ATG3: variants seen among roughly 807,000 people sequenced by gnomAD.
ATG3 encodes the protein autophagy related 3.
In ATG3, 25 loss-of-function variants were observed where a neutral mutation model predicts 50.7. The observed-to-expected ratio is 0.49, with a 90% CI of 0.36 to 0.69. ATG3 has a LOEUF of 0.69. Among genes scored for constraint, ATG3 ranks in the 30% least tolerant of loss-of-function variants. ATG3 has a pLI of 0.00. For synonymous variants in ATG3, 119 were observed against 125.5 expected, an observed-to-expected ratio of 0.95 and a Z score of 0.34; for missense variants, 281 against 376.0, an observed-to-expected ratio of 0.75 and a Z score of 2.09.
At chr3:112,533,656 A>G in intron 11 of ATG3, 1 of 985,258 alleles carries the variant, frequency 1.0e-6, no homozygotes, top group Non-Finnish European at 1.2e-6. Flanking sequence ...ATTGATTTTG[A>G]CTGTTTTTGA....
At chr3:112,540,279 A>G (rs578066585) in intron 7 of ATG3, among the ~76,000 whole-genome samples, 2 of 152,344 alleles carry the variant, frequency 1.3e-5, no homozygotes, top group South Asian at 4.1e-4. Context: ...ACAGAAAGGT[A>G]CTTTTGATCT....
chr3:112,541,403 G>A (rs1933221647), intron 7 of ATG3, among the ~76,000 whole-genome samples: 1 of 151,822 alleles, frequency 6.6e-6, no homozygotes, highest in Non-Finnish European at 1.5e-5. Context: ...AAAAAAAAAG[G>A]CCCCATTGAA....
At chr3:112,554,833 A>T (rs1224086410) in intron 2 of ATG3, among the ~76,000 whole-genome samples, 1 of 152,240 alleles carries the variant, frequency 6.6e-6, no homozygotes, top group Non-Finnish European at 1.5e-5. Flanking sequence ...TTTTAAGATG[A>T]AACATTAACA....
chr3:112,556,836 TTAAGAG>T (rs1933697703), intron 2 of ATG3, among the ~76,000 whole-genome samples: 1 of 151,884 alleles, frequency 6.6e-6, no homozygotes, highest in African/African-American at 2.4e-5. Context: ...AGCATGCTCG[TTAAGAG>T]TCATCACCAC....
chr3:112,555,217 C>CA (rs888534638), intron 2 of ATG3, among the ~76,000 whole-genome samples: 5 of 151,504 alleles, frequency 3.3e-5, no homozygotes, highest in Admixed American at 2.0e-4. Flanking sequence ...AAAAACAAAA[C>CA]AAAAAAAACA....
chr3:112,544,119 C>A lies in ATG3; in HGVS notation c.344-13G>T, dbSNP rs372098417. On this transcript the variant is annotated splice_polypyrimidine_tract_variant and intron_variant, in intron 5 of 11. Coordinates refer to ENST00000283290, the MANE Select transcript of ATG3 (RefSeq NM_022488.5). ...ATTCCTGTAATACCTATGTAAAATT[C>A]GGCAGAAAAGAATAACTAAAATTAA... 1.3e-6 allele frequency: 2 copies of A among 1,589,866 alleles called. No individual in the cohort carries two copies. The highest frequency in any genetic ancestry group is 2.7e-5 in the African/African-American group (2 of 74,142).
chr3:112,552,128 C>T (rs1933544890), intron 3 of ATG3, among the ~76,000 whole-genome samples: 1 of 152,122 alleles, frequency 6.6e-6, no homozygotes, highest in Admixed American at 6.5e-5. Context: ...CCAGTCAAAA[C>T]TGTACCTTTC....
At position 112,550,266 on chromosome 3, in the gene ATG3, T is replaced by TGCCATGTTGGACAGTGGTGG; in HGVS notation, c.165-5_165-4insCCACCACTGTCCAACATGGC. 6.2e-7 allele frequency: 1 copy of TGCCATGTTGGACAGTGGTGG among 1,609,330 alleles called. No homozygotes were observed. The highest frequency in any genetic ancestry group is 8.5e-7 in the Non-Finnish European group (1 of 1,177,888). ...TTTCAATTCTTCCCCTGTAGCCCTT[T>TGCCATGTTGGACAGTGGTGG]AAAAACAGTGAAAAGCACCAAAATA... On this transcript the variant is annotated splice_region_variant and splice_polypyrimidine_tract_variant and intron_variant, in intron 3 of 11. Coordinates refer to ENST00000283290, the MANE Select transcript of ATG3 (RefSeq NM_022488.5).
chr3:112,543,203 C>G (rs1372650929), intron 6 of ATG3, among the ~76,000 whole-genome samples: 1 of 151,928 alleles, frequency 6.6e-6, no homozygotes, highest in Non-Finnish European at 1.5e-5. Flanking sequence ...CACAATTATT[C>G]CATTCAAATA....
intron 1 of ATG3, among the ~76,000 whole-genome samples, chr3:112,558,691 C>T (rs989000494): frequency 6.6e-5 from 10 of 151,804 alleles, no homozygotes; most frequent in South Asian, 2.1e-4. Context: ...AATTATAATA[C>T]TATCAGATCA....
chr3:112,542,133 T>C (rs772352883), intron 6 of ATG3, among the ~76,000 whole-genome samples: 5 of 152,200 alleles, frequency 3.3e-5, no homozygotes, highest in Non-Finnish European at 5.9e-5. Flanking sequence ...CTAAGCTATT[T>C]AAAAATAATT....
In ATG3 at chr3:112,544,045, A is replaced by T; in HGVS notation, c.393+12T>A. Reference sequence around the variant, plus strand: ...CTCATTAAATTTAAAAATATAACTAATTAACCAGTACCTTATTTTCCAGTG... The same window carrying T: ...CTCATTAAATTTAAAAATATAACTATTTAACCAGTACCTTATTTTCCAGTG... On this transcript the variant is annotated intron_variant, in intron 6 of 11. Transcript: ENST00000283290. 1.3e-6 allele frequency: 2 copies of T among 1,565,400 alleles called. No individual in the cohort carries two copies. Among genetic ancestry groups the T allele is most frequent in the Non-Finnish European group, 1.8e-6 (2 of 1,137,492 alleles).
At chr3:112,533,033 T>A (rs549286888) in intron 11 of ATG3, 8 of 1,105,234 alleles carry the variant, frequency 7.2e-6, no homozygotes, top group Admixed American at 5.0e-5. Context: ...TAAGCACAAT[T>A]ACTTTGACAT....
At chr3:112,557,544 G>C (rs534767967) in intron 2 of ATG3, among the ~76,000 whole-genome samples, 1 of 152,278 alleles carries the variant, frequency 6.6e-6, no homozygotes, top group African/African-American at 2.4e-5. Context: ...CTTGAACCCA[G>C]GAGGCAGAGG....
chr3:112,549,305 T>C (rs1933462299), intron 4 of ATG3, among the ~76,000 whole-genome samples: 1 of 143,032 alleles, frequency 7.0e-6, no homozygotes, highest in South Asian at 2.1e-4. Flanking sequence ...TTTAATCTCC[T>C]GATTTTTTTA....
At position 112,555,971 on chromosome 3, in the gene ATG3, T is replaced by C. The variant is rs1024963889; in HGVS notation, c.114+2405A>G. On this transcript the variant is annotated intron_variant, in intron 2 of 11. Coordinates refer to ENST00000283290, the MANE Select transcript of ATG3 (RefSeq NM_022488.5). ...CTAACTGCAACTATATATTCAACAA[T>C]TAGTCATCTTCACAGAGGAAATAAA... Among the ~76,000 whole-genome samples the C allele has an allele frequency of 2.2e-4, 33 of 152,322 alleles. No homozygotes were observed. In the East Asian group the frequency reaches 6.2e-3, roughly 28 times the overall value.
At chr3:112,544,137 A>G (rs1187256288) in intron 5 of ATG3, 31 bp from the exon 6 acceptor site, 1 of 1,534,308 alleles carries the variant, frequency 6.5e-7, no homozygotes, top group African/African-American at 1.4e-5. Flanking sequence ...AAGAATAACT[A>G]AAATTAAACT....
chr3:112,557,408 A>T (rs957260953), intron 2 of ATG3, among the ~76,000 whole-genome samples: 2 of 152,220 alleles, frequency 1.3e-5, no homozygotes, highest in Admixed American at 6.5e-5. Flanking sequence ...TCACGAGGTC[A>T]AGAGGTCGAG....
rs1484000990 is a variant in ATG3 at position 112,556,802 on chromosome 3, T to A, written c.114+1574A>T. 2.7e-4 allele frequency among the ~76,000 whole-genome samples: 41 copies of A among 152,032 alleles called. 1 individual carries two copies. The highest frequency in any genetic ancestry group is 2.6e-3 in the Admixed American group (39 of 15,254). ...GGATTAAGGGTGGTGCAAGATGTGC[T>A]TTGTTAAACAGATGCTTGAAGGCAG... On this transcript the variant is annotated intron_variant, in intron 2 of 11. Coordinates refer to ENST00000283290, the MANE Select transcript of ATG3 (RefSeq NM_022488.5).
Sources: gnomAD v4.1 joint callset for allele counts (sites outside exome capture counted in the v4.1 genomes callset) on GRCh38, gnomAD v4.1.1 for gene constraint, MANE v1.5 for transcripts, NCBI Gene and HGNC (gene_info 2026-07-23, HGNC 2026-07-21) for gene names.